The following INTS9 variants were observed in gnomAD, a reference collection of about 807,000 sequenced individuals.
The protein encoded by INTS9 is protein related to CPSF subunits of 74 kDa.
Under a neutral mutation model 79.7 loss-of-function variants are expected in INTS9, and 55 were observed. The observed-to-expected ratio is 0.69, with a 90% CI of 0.56 to 0.86. The LOEUF is 0.86. Among genes scored for constraint, INTS9 ranks in the 40% least tolerant of loss-of-function variants. The pLI is 0.00. For missense variants in INTS9, 721 were observed against 831.5 expected (o/e 0.87, Z 1.64); for synonymous variants, 319 against 325.2 (o/e 0.98, Z 0.20).
chr8:28,840,342 T>C lies in INTS9; in HGVS notation c.262-2566A>G, dbSNP rs1402645671. Among the ~76,000 whole-genome samples, 8 of 148,780 alleles carry C rather than the reference T, an allele frequency of 5.4e-5. No individual in the cohort carries two copies. In the South Asian group the frequency reaches 1.7e-3, roughly 32 times the overall value. Reference sequence around the variant, plus strand: ...AATAGGAACACTTTTACACTGTTGGTGGGACTGTAAACTAGTTCAACCATT... The same window carrying C: ...AATAGGAACACTTTTACACTGTTGGCGGGACTGTAAACTAGTTCAACCATT... On this transcript the variant is annotated intron_variant, in intron 4 of 16. Transcript: ENST00000521022.
intron 4 of INTS9, among the ~76,000 whole-genome samples, chr8:28,838,581 C>A (rs1806964063): frequency 6.6e-6 from 1 of 152,194 alleles, no homozygotes; most frequent in Admixed American, 6.5e-5. Context: ...ACCACATCTT[C>A]CTCAGAACTC....
At chr8:28,821,376 G>A (rs185284894) in intron 6 of INTS9, among the ~76,000 whole-genome samples, 57 of 152,340 alleles carry the variant, frequency 3.7e-4, no homozygotes, top group African/African-American at 1.2e-3. Flanking sequence ...ATCAGATCTT[G>A]TGAGACTTAT....
chr8:28,822,683 A>G (rs1805909882), intron 6 of INTS9, among the ~76,000 whole-genome samples: 1 of 152,244 alleles, frequency 6.6e-6, no homozygotes, highest in African/African-American at 2.4e-5. Context: ...AAGAGGTACA[A>G]ACTAAAGATC....
intron 12 of INTS9, among the ~76,000 whole-genome samples, chr8:28,779,597 C>G (rs1161024915): frequency 6.6e-6 from 1 of 152,212 alleles, no homozygotes; most frequent in Admixed American, 6.5e-5. Context: ...AAACCCATCG[C>G]AGAATGACCC....
At chr8:28,823,958 T>C (rs1170097905) in intron 6 of INTS9, among the ~76,000 whole-genome samples, 2 of 152,228 alleles carry the variant, frequency 1.3e-5, no homozygotes, top group Non-Finnish European at 2.9e-5. Flanking sequence ...CCATTTTCAT[T>C]ACCTTCTACA....
At chr8:28,854,722 T>C (rs1360616294) in intron 2 of INTS9, among the ~76,000 whole-genome samples, 1 of 152,122 alleles carries the variant, frequency 6.6e-6, no homozygotes, top group African/African-American at 2.4e-5. Flanking sequence ...CCAGTCAGCA[T>C]GCAAATTGAT....
At chr8:28,825,682 T>C (rs1162830386) in intron 6 of INTS9, among the ~76,000 whole-genome samples, 2 of 152,240 alleles carry the variant, frequency 1.3e-5, no homozygotes, top group African/African-American at 4.8e-5. Context: ...TTTCACTGTG[T>C]GCTGGAGATG....
intron 4 of INTS9, among the ~76,000 whole-genome samples, chr8:28,838,694 T>C (rs1350764943): frequency 6.6e-6 from 1 of 152,174 alleles, no homozygotes; most frequent in Non-Finnish European, 1.5e-5. Flanking sequence ...CTAATTTTTG[T>C]ATTTTTAGTA....
intron 14 of INTS9, among the ~76,000 whole-genome samples, chr8:28,772,103 C>A (rs1356709061): frequency 6.6e-6 from 1 of 152,200 alleles, no homozygotes; most frequent in Non-Finnish European, 1.5e-5. Flanking sequence ...ATCAAGTGAT[C>A]CTCCTGCCTT....
intron 6 of INTS9, among the ~76,000 whole-genome samples, chr8:28,820,310 T>C (rs1398445284): frequency 1.3e-5 from 2 of 152,250 alleles, no homozygotes; most frequent in East Asian, 3.8e-4. Flanking sequence ...CTTTCCATGT[T>C]TAGTGCTTCC....
Position 28,812,452 on chromosome 8 carries a change from C to T in INTS9, c.619G>A (p.Gly207Ser). ...VGYSQKIELF[G>S]AVQVTPLSSG... ...CTCAGAGGAGTCACCTGGACCGCAC[C>T]AAAAAGCTCCTAAAAGAGAACCACA... Residue 207 changes from glycine (G) to serine (S), a missense_variant, in exon 8 of 17, where the codon GGT becomes AGT. Physicochemically the swap from Gly to Ser is moderately conservative, Grantham distance 56. Around this residue, in one of 3 missense-constraint regions of INTS9, gnomAD observed 291 missense variants for 307.0 expected, o/e 0.95. Coordinates refer to ENST00000521022, the MANE Select transcript of INTS9 (RefSeq NM_018250.4). The T allele has an allele frequency of 6.2e-7, 1 of 1,612,816 alleles. No individual in the cohort carries two copies. Among genetic ancestry groups the T allele is most frequent in the South Asian group, 1.1e-5 (1 of 90,766 alleles).
chr8:28,863,054 T>G (rs1483016127), intron 1 of INTS9, among the ~76,000 whole-genome samples: 1 of 152,218 alleles, frequency 6.6e-6, no homozygotes, highest in African/African-American at 2.4e-5. Context: ...TGCTCTTAGT[T>G]ACTATCAGTT....
rs1249755379 is a variant in INTS9, at chr8:28,793,867, A to C, written c.977T>G (p.Leu326Arg). 1 of 1,613,654 alleles carries C rather than the reference A, an allele frequency of 6.2e-7. No homozygotes were observed. The highest frequency in any genetic ancestry group is 2.2e-5 in the East Asian group (1 of 44,870). ...IDSAGLSSVPLYFISPVANSS... is the reference protein window; with the variant it reads ...IDSAGLSSVPRYFISPVANSS... ...GTTGGCCACAGGGGAGATGAAGTAG[A>C]GGGGGACGCTGGAAAGCCCGGCTGA... is the stretch of plus-strand genomic sequence containing the variant. The change falls in exon 10 of 17, where the codon CTC (leucine) becomes CGC (arginine). Residue 326 changes from leucine to arginine, a missense_variant. Physicochemically the swap from Leu to Arg is moderately radical, Grantham distance 102. Around this residue, in one of 3 missense-constraint regions of INTS9, gnomAD observed 149 missense variants for 223.7 expected, o/e 0.67. Coordinates refer to ENST00000521022, the MANE Select transcript of INTS9 (RefSeq NM_018250.4).
At chr8:28,768,390 T>G (rs1333739627) in intron 16 of INTS9, 68 bp from the exon 17 acceptor site, 11 of 1,446,020 alleles carry the variant, frequency 7.6e-6, no homozygotes, top group Non-Finnish European at 1.1e-5. Flanking sequence ...TAAATGACAC[T>G]TCACAGACTC....
chr8:28,889,009 T>G (rs886092304), intron 1 of INTS9, among the ~76,000 whole-genome samples: 1 of 152,124 alleles, frequency 6.6e-6, no homozygotes, highest in African/African-American at 2.4e-5. Flanking sequence ...GTTCAAGCGA[T>G]TCTCCTGCCT....
chr8:28,848,490 C>A (rs1373279151), intron 3 of INTS9, among the ~76,000 whole-genome samples: 1 of 152,180 alleles, frequency 6.6e-6, no homozygotes, highest in African/African-American at 2.4e-5. Flanking sequence ...TAGATGAGTA[C>A]CATTTAACTA....
At position 28,887,229 on chromosome 8, in the gene INTS9, A is replaced by T. The variant is rs1017523398; in HGVS notation, c.9+2645T>A. Among the ~76,000 whole-genome samples the T allele has an allele frequency of 3.9e-5, 6 of 152,232 alleles. No individual in the cohort carries two copies. In the East Asian group the frequency reaches 1.2e-3, roughly 29 times the overall value. On this transcript the variant is annotated intron_variant, in intron 1 of 16. Coordinates refer to ENST00000521022, the MANE Select transcript of INTS9 (RefSeq NM_018250.4). ...GCAATGGAACATATTCAACCAAGTT[A>T]AGTGTAGGAGGTTATCCTAAGGGCA...
rs745982905 is a variant in INTS9, at chr8:28,768,157, G to A, written c.1966C>T (p.Gln656Ter). ...CTCAGATGGCCCACTCAGAACTTCT[G>A]TAAGAATTTGAGGACAAGGTCCCGC... ...RLRDLVLKFL[Q>*]KF The change falls in exon 17 of 17, where the codon CAG becomes TAG. Residue 656 changes from glutamine to a stop codon, truncating the protein, a stop_gained. Coordinates refer to ENST00000521022, the MANE Select transcript of INTS9 (RefSeq NM_018250.4). LOFTEE classifies it high-confidence loss of function. 3 of 1,614,124 alleles carry A rather than the reference G, an allele frequency of 1.9e-6. No homozygotes were observed. The highest frequency in any genetic ancestry group is 2.5e-6 in the Non-Finnish European group (3 of 1,180,014).
intron 13 of INTS9, 143 bp from the exon 14 acceptor site, chr8:28,776,069 C>G (rs139056710): frequency 1.6e-6 from 1 of 617,480 alleles, no homozygotes; most frequent in African/African-American, 1.9e-5. Context: ...CTCTCAAGCC[C>G]AATGAACCGT....
Sources: gnomAD v4.1 joint callset for allele counts (sites outside exome capture counted in the v4.1 genomes callset) on GRCh38, gnomAD v4.1.1 for gene constraint, gnomAD v4.1.1 regional missense constraint, MANE v1.5 for transcripts, NCBI Gene and HGNC (gene_info 2026-07-23, HGNC 2026-07-21) for gene names.